HEATR5A: variants seen among roughly 807,000 people sequenced by gnomAD.
The protein encoded by HEATR5A is HEAT repeat-containing protein 5A.
A neutral mutation model predicts 218.8 loss-of-function variants in HEATR5A; 178 were observed. The ratio of observed to expected loss-of-function variants is 0.81; its 90% CI spans 0.72 to 0.92. The LOEUF is 0.92. Ranked by LOEUF, HEATR5A falls within the 40% of genes least tolerant of loss-of-function variation. HEATR5A has a pLI of 0.00. For synonymous variants in HEATR5A, 864 were observed against 871.6 expected, an observed-to-expected ratio of 0.99 and a Z score of 0.15; for missense variants, 2,420 against 2,418.9, an observed-to-expected ratio of 1.00 and a Z score of -0.01.
intron 16 of HEATR5A, among the ~76,000 whole-genome samples, chr14:31,354,924 C>G (rs903040245): frequency 6.6e-5 from 10 of 152,144 alleles, no homozygotes; most frequent in Non-Finnish European, 1.3e-4. Flanking sequence ...TGAAGCAGTC[C>G]ATTTATCACA....
Position 31,347,755 on chromosome 14 carries a change from T to A in HEATR5A, c.2861A>T (p.Asp954Val). Residue 954 changes from aspartate to valine, a missense_variant, in exon 19 of 36, where the codon GAT becomes GTT. Physicochemically the swap from Asp to Val is radical, Grantham distance 152. Coordinates refer to ENST00000543095, the MANE Select transcript of HEATR5A (RefSeq NM_015473.4). ...ATCACATGAGGTACCCACCTGCACA[T>A]CAGGAGAAGTGCTGTCCTGCGCCAA... Reference protein sequence around the residue: ...YTLAQDSTSPDVQTWALHSLS... With the variant: ...YTLAQDSTSPVVQTWALHSLS... 1.3e-6 allele frequency: 2 copies of A among 1,593,168 alleles called. No homozygotes were observed. Among genetic ancestry groups the A allele is most frequent in the African/African-American group, 2.7e-5 (2 of 74,088 alleles).
chr14:31,344,114 A>G, intron 20 of HEATR5A, 49 bp from the exon 21 acceptor site: 2 of 1,119,634 alleles, frequency 1.8e-6, no homozygotes, highest in South Asian at 4.5e-5. Flanking sequence ...TAAAAACATT[A>G]CTCTTTAAAC....
In HEATR5A at chr14:31,318,244, C is replaced by T; in HGVS notation, c.4018G>A (p.Val1340Ile). Reference protein sequence around the residue: ...PAFTSETPPDVTAKACQVCSA... With the variant: ...PAFTSETPPDITAKACQVCSA... ...TTTACCTGACATGCTTTGGCAGTGACATCAGGTGGTGTCTCTGAAGTGAAG... is the reference window on the plus strand; with the variant it reads ...TTTACCTGACATGCTTTGGCAGTGATATCAGGTGGTGTCTCTGAAGTGAAG... The change falls in exon 26 of 36, where the codon GTC (valine) becomes ATC (isoleucine). Residue 1340 changes from valine (V) to isoleucine (I), a missense_variant. Coordinates refer to ENST00000543095, the MANE Select transcript of HEATR5A (RefSeq NM_015473.4). The T allele has an allele frequency of 1.2e-6, 2 of 1,613,858 alleles. No individual in the cohort carries two copies. Among genetic ancestry groups the T allele is most frequent in the Non-Finnish European group, 1.7e-6 (2 of 1,179,752 alleles).
At chr14:31,392,701 C>T (rs923724936) in intron 6 of HEATR5A, among the ~76,000 whole-genome samples, 5 of 152,176 alleles carry the variant, frequency 3.3e-5, no homozygotes, top group Non-Finnish European at 1.5e-5. Context: ...TTGTTTTAAA[C>T]TCAGTGCTTG....
chr14:31,400,445 C>A lies in HEATR5A; in HGVS notation c.194G>T (p.Gly65Val). The A allele has an allele frequency of 6.5e-7, 1 of 1,535,802 alleles. No homozygotes were observed. The highest frequency in any genetic ancestry group is 8.7e-7 in the Non-Finnish European group (1 of 1,146,820). The change falls in exon 3 of 36, where the codon GGG (glycine) becomes GTG (valine). Residue 65 changes from glycine (G) to valine (V), a missense_variant. Physicochemically the swap from Gly to Val is moderately radical, Grantham distance 109. Transcript: ENST00000543095. ...AGCAAGCAGTTTGCGGGTAGGAGGCCCTGGGGAGCTGTTCAACAAAGACAG... is the reference window on the plus strand; with the variant it reads ...AGCAAGCAGTTTGCGGGTAGGAGGCACTGGGGAGCTGTTCAACAAAGACAG... ...QLLSLLNSSPGPPTRKLLAKN... is the reference protein window; with the variant it reads ...QLLSLLNSSPVPPTRKLLAKN...
rs1375420150 is a variant in HEATR5A, at chr14:31,345,169, C to A, written c.2976G>T (p.Val992=). 4 of 1,613,824 alleles carry A rather than the reference C, an allele frequency of 2.5e-6. No homozygotes were observed. The East Asian group carries it at 8.9e-5, about 36-fold the overall frequency. ...LSLIIMLLLN[V]PPTHAEVHQS... is the part of the protein sequence containing the mutation. ...GGTGAACTTCAGCATGAGTAGGAGG[C>A]ACATTTAACAACAACATTATAATAA... The change falls in exon 20 of 36, where the codon GTG becomes GTT. Residue 992 remains valine, a synonymous_variant. Transcript: ENST00000543095.
Position 31,302,495 on chromosome 14 carries a change from A to G in HEATR5A, c.5264T>C (p.Ile1755Thr), listed in dbSNP as rs760532783. 4 of 1,581,448 alleles carry G rather than the reference A, an allele frequency of 2.5e-6. No individual in the cohort carries two copies. The African/African-American group carries it at 4.0e-5, about 16-fold the overall frequency. Residue 1755 changes from isoleucine (I) to threonine (T), a missense_variant, in exon 33 of 36, where the codon ATA becomes ACA. By Grantham distance (89) the Ile-to-Thr change is moderately conservative (BLOSUM62 -1). Coordinates refer to ENST00000543095, the MANE Select transcript of HEATR5A (RefSeq NM_015473.4). ...GAGGACCCCGATTGTGAGGTACAAT[A>G]TAGTAGGGAGAATTGAGATGCTTCC... ...PEGSISILPTILYLTIGVLRE... is the reference protein window; with the variant it reads ...PEGSISILPTTLYLTIGVLRE...
rs1208541288 is a variant in HEATR5A at position 31,345,136 on chromosome 14, A to G, written c.3009T>C (p.Leu1003=). 1.8e-5 allele frequency: 29 copies of G among 1,613,856 alleles called. No individual in the cohort carries two copies. The highest frequency in any genetic ancestry group is 2.5e-5 in the Non-Finnish European group (29 of 1,179,890). Residue 1003 remains leucine (L), a synonymous_variant, in exon 20 of 36, where the codon CTT becomes CTC. Coordinates refer to ENST00000543095, the MANE Select transcript of HEATR5A (RefSeq NM_015473.4). ...PPTHAEVHQS[L]GRCLNALITT... ...TAATAAGGGCATTCAAACAGCGACC[A>G]AGGCTTTGGTGAACTTCAGCATGAG... is the stretch of plus-strand genomic sequence containing the variant.
intron 1 of HEATR5A, among the ~76,000 whole-genome samples, chr14:31,410,286 T>C (rs1305693741): frequency 6.6e-6 from 1 of 151,998 alleles, no homozygotes; most frequent in Non-Finnish European, 1.5e-5. Flanking sequence ...ACAAAAAGCA[T>C]GAAGTAAACA....
intron 21 of HEATR5A, among the ~76,000 whole-genome samples, chr14:31,339,855 T>C (rs1900787452): frequency 2.0e-5 from 3 of 152,192 alleles, no homozygotes. Flanking sequence ...TTAACAACAA[T>C]GACTAAAAAA....
At chr14:31,371,350 G>C (rs1902029907) in intron 13 of HEATR5A, among the ~76,000 whole-genome samples, 2 of 152,150 alleles carry the variant, frequency 1.3e-5, no homozygotes, top group Admixed American at 1.3e-4. Flanking sequence ...ATTAGATGCT[G>C]TTTTCAAAGA....
chr14:31,296,186 C>A, intron 33 of HEATR5A, 123 bp from the exon 34 acceptor site: 1 of 634,666 alleles, frequency 1.6e-6, no homozygotes, highest in Non-Finnish European at 2.6e-6. Flanking sequence ...TGAACGCTGA[C>A]TAAGAACCCT....
chr14:31,361,680 T>C (rs1901620694), intron 14 of HEATR5A, among the ~76,000 whole-genome samples: 1 of 152,194 alleles, frequency 6.6e-6, no homozygotes, highest in Non-Finnish European at 1.5e-5. Flanking sequence ...GGTGAGTTAT[T>C]TTCAATGTAG....
chr14:31,334,269 T>C, intron 22 of HEATR5A: 1 of 373,234 alleles, frequency 2.7e-6, no homozygotes, highest in Non-Finnish European at 5.4e-6. Context: ...GTTAACACAA[T>C]ATCCATTCGC....
At chr14:31,361,925 A>T (rs898529721) in intron 14 of HEATR5A, among the ~76,000 whole-genome samples, 1 of 151,958 alleles carries the variant, frequency 6.6e-6, no homozygotes, top group Non-Finnish European at 1.5e-5. Flanking sequence ...ACATTGGAGG[A>T]ACCAATAAAA....
intron 1 of HEATR5A, among the ~76,000 whole-genome samples, chr14:31,412,782 G>A (rs1330889416): frequency 1.6e-4 from 25 of 152,108 alleles, no homozygotes; most frequent in Admixed American, 1.6e-3. Context: ...CTTGAGGCAG[G>A]AGAATCGCTT....
chr14:31,416,070 C>T (rs973039281), intron 1 of HEATR5A, among the ~76,000 whole-genome samples: 3 of 152,066 alleles, frequency 2.0e-5, no homozygotes, highest in Non-Finnish European at 4.4e-5. Flanking sequence ...CCCACCTCAG[C>T]CTCCTGAATA....
At chr14:31,413,677 A>G (rs1195158709) in intron 1 of HEATR5A, among the ~76,000 whole-genome samples, 1 of 152,194 alleles carries the variant, frequency 6.6e-6, no homozygotes, top group Non-Finnish European at 1.5e-5. Flanking sequence ...TTAATTCACT[A>G]TCTCATTTAA....
Position 31,349,797 on chromosome 14 carries a change from G to A in HEATR5A, c.2700C>T (p.Ser900=), listed in dbSNP as rs534417342. The stretch of plus-strand genomic sequence containing the variant: ...ATAAGAAATTCACTTACTTGTCAAA[G>A]CTAACTTGAGCTAATCCAGCAGTAA... The part of the protein sequence containing the change: ...GAFTAGLAQV[S]FDKLKSARDV... The change falls in exon 18 of 36, where the codon AGC becomes AGT. Residue 900 remains serine, a synonymous_variant. Transcript: ENST00000543095. 4.4e-6 allele frequency: 7 copies of A among 1,609,074 alleles called. No individual in the cohort carries two copies. In the African/African-American group the frequency reaches 5.3e-5, roughly 12 times the overall value.
Sources: gnomAD v4.1 joint callset for allele counts (sites outside exome capture counted in the v4.1 genomes callset) on GRCh38, gnomAD v4.1.1 for gene constraint, MANE v1.5 for transcripts, NCBI Gene and HGNC (gene_info 2026-07-23, HGNC 2026-07-21) for gene names.